The following ANKRD44 variants were observed in gnomAD, a reference collection of about 807,000 sequenced individuals.
The protein encoded by ANKRD44 is ankyrin repeat domain 44.
Under a neutral mutation model 116.0 loss-of-function variants are expected in ANKRD44, and 35 were observed. The ratio of observed to expected loss-of-function variants is 0.30; its 90% CI spans 0.23 to 0.40. The LOEUF (loss-of-function observed/expected upper bound fraction) is 0.40, where lower values mean the gene tolerates loss of function less well. Ranked by LOEUF, ANKRD44 falls within the 10% of genes least tolerant of loss-of-function variation. The probability of loss-of-function intolerance (pLI) is 1.00; values close to 1 mark genes in which losing one functional copy is unlikely to be tolerated. For missense variants in ANKRD44, 1,014 were observed against 1,242.6 expected (o/e 0.82, Z 2.77); for synonymous variants, 435 against 461.8 (o/e 0.94, Z 0.74).
At position 197,305,782 on chromosome 2, in the gene ANKRD44, G is replaced by A. The variant is rs79074720; in HGVS notation, c.27+4796C>T. The stretch of plus-strand genomic sequence containing the variant: ...ATATCAGCTATGTGCACAAGTGAAA[G>A]GTAATGATATTATCACACGAAAAGT... On this transcript the variant is annotated intron_variant, in intron 1 of 27. Coordinates refer to ENST00000282272, the MANE Select transcript of ANKRD44 (RefSeq NM_001195144.2). 4.1e-3 allele frequency among the ~76,000 whole-genome samples: 620 copies of A among 151,948 alleles called. 6 individuals carry two copies. Among genetic ancestry groups the A allele is most frequent in the African/African-American group, 0.014 (583 of 41,412 alleles).
chr2:197,009,300 C>T (rs191096757), intron 18 of ANKRD44, among the ~76,000 whole-genome samples: 10 of 151,676 alleles, frequency 6.6e-5, no homozygotes, highest in Admixed American at 6.6e-4. Flanking sequence ...CCATCTTGGC[C>T]AGGCTGGTCT....
chr2:197,273,980 A>AATATATAT (rs1164251927), intron 1 of ANKRD44, among the ~76,000 whole-genome samples: 21 of 43,916 alleles, frequency 4.8e-4, no homozygotes, highest in African/African-American at 1.7e-3. Flanking sequence ...AAAAAAAAAA[A>AATATATAT]ATATATATAT....
intron 1 of ANKRD44, among the ~76,000 whole-genome samples, chr2:197,282,830 T>C (rs1896855): frequency 0.96 from 145,844 of 152,228 alleles, 70,164 homozygotes; most frequent in East Asian, 1. Flanking sequence ...TAATGACATG[T>C]GCCTGTAATC....
At chr2:197,121,965 G>A (rs1217581424) in intron 7 of ANKRD44, among the ~76,000 whole-genome samples, 2 of 152,156 alleles carry the variant, frequency 1.3e-5, no homozygotes, top group African/African-American at 4.8e-5. Context: ...TGGCAGGGGA[G>A]GTGGCTGTGG....
At chr2:197,087,329 T>A (rs2077948888) in intron 12 of ANKRD44, among the ~76,000 whole-genome samples, 1 of 152,228 alleles carries the variant, frequency 6.6e-6, no homozygotes, top group Non-Finnish European at 1.5e-5. Flanking sequence ...TTCCATAGCT[T>A]CTTTATCATT....
chr2:197,130,085 T>C (rs181963543), intron 4 of ANKRD44, among the ~76,000 whole-genome samples: 73 of 152,344 alleles, frequency 4.8e-4, no homozygotes, highest in Non-Finnish European at 5.3e-4. Flanking sequence ...AATTTTACAT[T>C]ACTCTGGGCT....
chr2:197,007,141 T>C (rs1364779413), intron 20 of ANKRD44, among the ~76,000 whole-genome samples: 1 of 151,536 alleles, frequency 6.6e-6, no homozygotes, highest in East Asian at 1.9e-4. Flanking sequence ...GTGCAAATAA[T>C]TGCCCACAGG....
At chr2:196,981,996 G>A (rs1382167872), downstream of ANKRD44, among the ~76,000 whole-genome samples, 1 of 150,586 alleles carries the variant, frequency 6.6e-6, no homozygotes, top group Non-Finnish European at 1.5e-5. Flanking sequence ...TTCGCTGCTA[G>A]ATCCTCCTCC....
Position 197,269,449 on chromosome 2 carries a change from C to T in ANKRD44, c.27+41129G>A, listed in dbSNP as rs191360913. Among the ~76,000 whole-genome samples, 100 of 152,176 alleles carry T rather than the reference C, an allele frequency of 6.6e-4. 1 individual carries two copies. Among genetic ancestry groups the T allele is most frequent in the Non-Finnish European group, 1.3e-4 (9 of 68,004 alleles). ...GATCTATTTCAATTCTTAGATATCT[C>T]GAGGAACCGCAGATGACTGTAACTA... On this transcript the variant is annotated intron_variant, in intron 1 of 27. Coordinates refer to ENST00000282272, the MANE Select transcript of ANKRD44 (RefSeq NM_001195144.2).
At chr2:197,207,287 A>G (rs1047484095) in intron 1 of ANKRD44, among the ~76,000 whole-genome samples, 4 of 152,178 alleles carry the variant, frequency 2.6e-5, no homozygotes, top group Admixed American at 1.3e-4. Context: ...TAGTTCACCA[A>G]TGAGGCCAGG....
chr2:197,061,813 C>A (rs182001936), intron 16 of ANKRD44, among the ~76,000 whole-genome samples: 35 of 142,074 alleles, frequency 2.5e-4, no homozygotes, highest in African/African-American at 7.9e-4. Context: ...CAGAGTCTCA[C>A]TCTATTGTCC....
chr2:197,102,888 C>G (rs904577885), intron 9 of ANKRD44, among the ~76,000 whole-genome samples: 1 of 152,112 alleles, frequency 6.6e-6, no homozygotes, highest in African/African-American at 2.4e-5. Context: ...AATTATTTTT[C>G]TCCCAGGTTT....
chr2:197,151,123 CAAAAA>C (rs57630063), intron 2 of ANKRD44, among the ~76,000 whole-genome samples: 211 of 139,630 alleles, frequency 1.5e-3, no homozygotes, highest in East Asian at 2.8e-3. Flanking sequence ...TGAAAATATG[CAAAAA>C]AAAAAAAAAA....
At chr2:197,302,727 G>A (rs991508559) in intron 1 of ANKRD44, among the ~76,000 whole-genome samples, 1 of 152,158 alleles carries the variant, frequency 6.6e-6, no homozygotes, top group Non-Finnish European at 1.5e-5. Context: ...CCTCCACAGA[G>A]ACTAACCATA....
chr2:197,126,736 C>A (rs1477624290), intron 4 of ANKRD44, among the ~76,000 whole-genome samples: 1 of 152,054 alleles, frequency 6.6e-6, no homozygotes, highest in Non-Finnish European at 1.5e-5. Flanking sequence ...TAACAAAACC[C>A]CATCTCTAAC....
At chr2:197,037,941 T>TA (rs944440531) in intron 16 of ANKRD44, among the ~76,000 whole-genome samples, 16 of 150,896 alleles carry the variant, frequency 1.1e-4, no homozygotes, top group Non-Finnish European at 1.8e-4. Flanking sequence ...GACCTTGTCT[T>TA]AAAAAAAAAT....
chr2:197,253,321 T>G (rs900089926), intron 1 of ANKRD44, among the ~76,000 whole-genome samples: 2 of 152,202 alleles, frequency 1.3e-5, no homozygotes, highest in African/African-American at 4.8e-5. Flanking sequence ...AGACTGACAT[T>G]ATCTCAGTCA....
At chr2:197,019,418 G>A (rs1242806298) in intron 17 of ANKRD44, among the ~76,000 whole-genome samples, 4 of 152,180 alleles carry the variant, frequency 2.6e-5, no homozygotes, top group Non-Finnish European at 4.4e-5. Flanking sequence ...CTTGCTGTAT[G>A]TCAGGCAGTA....
intron 17 of ANKRD44, chr2:197,015,978 G>C: frequency 1.8e-6 from 1 of 541,786 alleles, no homozygotes; most frequent in South Asian, 1.4e-5. Flanking sequence ...GTTGGGTCTG[G>C]TGGTGGAAGT....
Sources: gnomAD v4.1 joint callset for allele counts (sites outside exome capture counted in the v4.1 genomes callset) on GRCh38, gnomAD v4.1.1 for gene constraint, MANE v1.5 for transcripts, NCBI Gene and HGNC (gene_info 2026-07-23, HGNC 2026-07-21) for gene names.